FAM163B: variants seen among roughly 807,000 people sequenced by gnomAD.
The protein encoded by FAM163B is family with sequence similarity 163 member B, also known as protein FAM163B.
Under a neutral mutation model 7.6 loss-of-function variants are expected in FAM163B, and 4 were observed. That is an observed-to-expected ratio of 0.52 (90% CI 0.26 to 1.20). FAM163B has a LOEUF of 1.20. Among genes scored for constraint, FAM163B ranks in the 50% most tolerant of loss-of-function variants. The pLI, the probability that FAM163B is intolerant of heterozygous loss-of-function variation, is 0.14. For synonymous variants in FAM163B, 120 were observed against 111.6 expected, an observed-to-expected ratio of 1.07 and a Z score of -0.47; for missense variants, 250 against 243.0, an observed-to-expected ratio of 1.03 and a Z score of -0.19.
chr9:133,589,539 C>T (rs574660653), intron 1 of FAM163B, among the ~76,000 whole-genome samples: 3 of 152,260 alleles, frequency 2.0e-5, no homozygotes, highest in South Asian at 2.1e-4. Flanking sequence ...GTAAACTCAC[C>T]GCCTTCCCTG....
chr9:133,608,116 C>A (rs1159587090), intron 1 of FAM163B, among the ~76,000 whole-genome samples: 5 of 152,194 alleles, frequency 3.3e-5, no homozygotes, highest in African/African-American at 1.2e-4. Context: ...AGGGAGAAGG[C>A]TGGCAGGGTG....
chr9:133,592,396 G>A (rs1485639877), intron 1 of FAM163B, among the ~76,000 whole-genome samples: 1 of 152,216 alleles, frequency 6.6e-6, no homozygotes, highest in East Asian at 1.9e-4. Context: ...TGGGCGGCCT[G>A]AGAGGGAGGC....
At chr9:133,580,285 C>T in intron 1 of FAM163B, 39 bp from the exon 2 acceptor site, 1 of 1,455,386 alleles carries the variant, frequency 6.9e-7, no homozygotes. Context: ...ATCACGCTTC[C>T]TCACCACAAA....
In FAM163B at chr9:133,578,822, C is replaced by A. The variant is rs922663168; in HGVS notation, c.*200G>T. On this transcript the variant is annotated 3_prime_UTR_variant, in exon 3 of 3. Transcript: ENST00000673969. ...CCCCAGGCCCCAGCTGTGCCTCCCC[C>A]CAGGACACATTTGTGTTCAATGAGC... 12 of 1,042,510 alleles carry A rather than the reference C, an allele frequency of 1.2e-5. No homozygotes were observed. Among genetic ancestry groups the A allele is most frequent in the Non-Finnish European group, 1.6e-5 (12 of 761,148 alleles). 64.6% of individuals were successfully genotyped at this position (1,042,510 alleles called of 1,614,324 possible).
chr9:133,585,769 C>T (rs1334789391), intron 1 of FAM163B, among the ~76,000 whole-genome samples: 5 of 152,162 alleles, frequency 3.3e-5, no homozygotes, highest in Admixed American at 1.3e-4. Context: ...GTGAGGCGGG[C>T]GCCCTCCACT....
chr9:133,595,113 T>C (rs1831611671), intron 1 of FAM163B, among the ~76,000 whole-genome samples: 1 of 152,132 alleles, frequency 6.6e-6, no homozygotes. Flanking sequence ...TCGAGTAGCC[T>C]GGGGAGCGGG....
chr9:133,585,284 G>A (rs7862286), intron 1 of FAM163B, among the ~76,000 whole-genome samples: 21,875 of 152,006 alleles, frequency 0.14, 1,953 homozygotes, highest in East Asian at 0.48. Flanking sequence ...TGCCTCCCCC[G>A]GGAGCCCCCT....
chr9:133,579,200 G>A lies in FAM163B; in HGVS notation c.323C>T (p.Pro108Leu), dbSNP rs779409568. 34 of 1,611,932 alleles carry A rather than the reference G, an allele frequency of 2.1e-5. No individual in the cohort carries two copies. Among genetic ancestry groups the A allele is most frequent in the Non-Finnish European group, 2.6e-5 (31 of 1,179,792 alleles). ...EPPTFFLQEPPEEEEDVLNGG... is the reference protein window; with the variant it reads ...EPPTFFLQEPLEEEEDVLNGG... ...GTTCAGCACGTCCTCTTCCTCCTCC[G>A]GCGGCTCCTGCAGGAAGAAGGTGGG... is the stretch of plus-strand genomic sequence containing the variant. Residue 108 changes from proline to leucine, a missense_variant, in exon 3 of 3, where the codon CCG becomes CTG. Coordinates refer to ENST00000673969, the MANE Select transcript of FAM163B (RefSeq NM_001080515.3).
chr9:133,593,619 C>T (rs114115535), intron 1 of FAM163B, among the ~76,000 whole-genome samples: 309 of 152,360 alleles, frequency 2.0e-3, no homozygotes, highest in African/African-American at 5.8e-3. Flanking sequence ...TCAGGGCGAC[C>T]ATGGCCTCAG....
intron 1 of FAM163B, among the ~76,000 whole-genome samples, chr9:133,598,886 TG>T (rs1831670187): frequency 1.3e-5 from 2 of 151,944 alleles, no homozygotes; most frequent in Admixed American, 6.5e-5. Flanking sequence ...CTCCTTTCAG[TG>T]GCCCCTCTCA....
At chr9:133,583,909 C>T (rs1278685163) in intron 1 of FAM163B, among the ~76,000 whole-genome samples, 3 of 152,212 alleles carry the variant, frequency 2.0e-5, no homozygotes, top group South Asian at 2.1e-4. Context: ...ACACACACTC[C>T]GCTGGCAGCT....
chr9:133,581,082 T>A (rs1317003009), intron 1 of FAM163B, among the ~76,000 whole-genome samples: 4 of 152,238 alleles, frequency 2.6e-5, no homozygotes, highest in Non-Finnish European at 4.4e-5. Context: ...AAACTCCTTC[T>A]TGTGGAAAAT....
chr9:133,607,055 C>T (rs1831798766), intron 1 of FAM163B, among the ~76,000 whole-genome samples: 1 of 152,152 alleles, frequency 6.6e-6, no homozygotes, highest in African/African-American at 2.4e-5. Context: ...GGCTTGGACT[C>T]AGGTCAGTCC....
At chr9:133,593,954 C>T (rs892504103) in intron 1 of FAM163B, among the ~76,000 whole-genome samples, 1 of 152,238 alleles carries the variant, frequency 6.6e-6, no homozygotes, top group Non-Finnish European at 1.5e-5. Flanking sequence ...CTGCCACCCC[C>T]AGATCCATGG....
chr9:133,594,568 C>A (rs1012358784), intron 1 of FAM163B, among the ~76,000 whole-genome samples: 2 of 152,184 alleles, frequency 1.3e-5, no homozygotes, highest in Admixed American at 1.3e-4. Context: ...CCTCTGTCTG[C>A]ACCACATGTT....
At chr9:133,598,517 G>A (rs949369080) in intron 1 of FAM163B, among the ~76,000 whole-genome samples, 4 of 151,900 alleles carry the variant, frequency 2.6e-5, no homozygotes, top group Non-Finnish European at 5.9e-5. Flanking sequence ...GTGCTGGGGT[G>A]AGGAGGTGGG....
At chr9:133,594,482 T>C (rs1237180482) in intron 1 of FAM163B, among the ~76,000 whole-genome samples, 1 of 151,956 alleles carries the variant, frequency 6.6e-6, no homozygotes, top group Non-Finnish European at 1.5e-5. Context: ...TGGCCATCTG[T>C]CTCCATGCTC....
intron 1 of FAM163B, among the ~76,000 whole-genome samples, chr9:133,582,618 A>G (rs1230317229): frequency 3.3e-5 from 5 of 152,220 alleles, no homozygotes; most frequent in Non-Finnish European, 5.9e-5. Context: ...TGGCCCAGCC[A>G]TGGCCCTCTT....
rs1831797690 is a variant in FAM163B, at chr9:133,606,980, C to CA, written c.-24+2096dup. Among the ~76,000 whole-genome samples, 1 of 152,198 alleles carries CA rather than the reference C, an allele frequency of 6.6e-6. No individual in the cohort carries two copies. Among genetic ancestry groups the CA allele is most frequent in the African/African-American group, 2.4e-5 (1 of 41,446 alleles). On this transcript the variant is annotated intron_variant, in intron 1 of 2. Coordinates refer to ENST00000673969, the MANE Select transcript of FAM163B (RefSeq NM_001080515.3). This position sits in a 1 kb window ranked among gnomAD's most constrained non-coding sequence, Gnocchi z 4.0. ...ACCAGAAAAGTCAGGAATATAGAGC[C>CA]AGCCCCTAAATATACAAAACGGGGG...
Sources: gnomAD v4.1 joint callset for allele counts (sites outside exome capture counted in the v4.1 genomes callset) on GRCh38, gnomAD v4.1.1 for gene constraint, Gnocchi (gnomAD v3.1) non-coding constraint, MANE v1.5 for transcripts, NCBI Gene and HGNC (gene_info 2026-07-23, HGNC 2026-07-21) for gene names.